UNC5C: variants seen among roughly 807,000 people sequenced by gnomAD.
UNC5C encodes netrin receptor UNC5C.
UNC5C carries 47 observed loss-of-function variants against 99.8 expected under a neutral mutation model. The observed-to-expected ratio is 0.47, with a 90% CI of 0.37 to 0.60. The LOEUF is 0.60. UNC5C is among the 20% of genes least tolerant of loss of function. The pLI is 0.00. For synonymous variants in UNC5C, 487 were observed against 452.2 expected (o/e 1.08, Z -0.98); for missense variants, 1,062 against 1,165.9 (o/e 0.91, Z 1.30).
chr4:95,212,480 T>C (rs560968162), intron 10 of UNC5C, among the ~76,000 whole-genome samples: 2 of 152,186 alleles, frequency 1.3e-5, no homozygotes, highest in Non-Finnish European at 2.9e-5. Context: ...CACAGTAATA[T>C]GTTAAGTACT....
intron 12 of UNC5C, among the ~76,000 whole-genome samples, chr4:95,192,057 C>G (rs1737135178): frequency 7.0e-6 from 1 of 142,518 alleles, no homozygotes; most frequent in Non-Finnish European, 1.5e-5. Context: ...TCTGCTCACC[C>G]TCTTCCCCTG....
chr4:95,463,898 G>A (rs1296403960), intron 1 of UNC5C, among the ~76,000 whole-genome samples: 1 of 152,130 alleles, frequency 6.6e-6, no homozygotes. Context: ...TCTGTCCTTA[G>A]TATTTTTAAA....
rs542973860 is a variant in UNC5C at position 95,167,175 on chromosome 4, C to A, written c.*2059G>T. On this transcript the variant is annotated 3_prime_UTR_variant, in exon 16 of 16. Coordinates refer to ENST00000453304, the MANE Select transcript of UNC5C (RefSeq NM_003728.4). ...AGCACATGTATAATTCAAGTCTGTTCAGCAACTTGTGTGCCTCCAGCCTAA... is the reference window on the plus strand; with the variant it reads ...AGCACATGTATAATTCAAGTCTGTTAAGCAACTTGTGTGCCTCCAGCCTAA... 1 of 152,292 alleles carries A rather than the reference C, an allele frequency of 6.6e-6. No homozygotes were observed. Among genetic ancestry groups the A allele is most frequent in the South Asian group, 2.1e-4 (1 of 4,826 alleles). 9.4% of individuals were successfully genotyped at this position (152,292 alleles called of 1,614,324 possible).
chr4:95,385,575 A>C (rs1283549696), intron 1 of UNC5C, among the ~76,000 whole-genome samples: 1 of 152,206 alleles, frequency 6.6e-6, no homozygotes, highest in African/African-American at 2.4e-5. Flanking sequence ...AATAAAAAAA[A>C]AGTGCTTATA....
intron 1 of UNC5C, among the ~76,000 whole-genome samples, chr4:95,383,262 T>TACACACAC (rs35068196): frequency 0.011 from 1,635 of 150,928 alleles, 21 homozygotes; most frequent in African/African-American, 0.037. Flanking sequence ...TGTGTGTGTT[T>TACACACAC]ACACACACAC....
intron 4 of UNC5C, among the ~76,000 whole-genome samples, chr4:95,266,868 T>A (rs544976829): frequency 6.6e-5 from 10 of 152,226 alleles, no homozygotes; most frequent in Non-Finnish European, 1.3e-4. Flanking sequence ...TTATAGCTGG[T>A]CACTAAATAT....
At chr4:95,194,064 C>T (rs889121723) in intron 12 of UNC5C, among the ~76,000 whole-genome samples, 4 of 152,328 alleles carry the variant, frequency 2.6e-5, no homozygotes, top group African/African-American at 9.6e-5. Flanking sequence ...GCTCTGCCTG[C>T]TGTTCCCACA....
chr4:95,405,682 A>G (rs141420379), intron 1 of UNC5C, among the ~76,000 whole-genome samples: 16 of 152,170 alleles, frequency 1.1e-4, no homozygotes, highest in African/African-American at 2.7e-4. Flanking sequence ...TAAAAGTTAC[A>G]TGAACTGCCC....
At chr4:95,291,842 G>A (rs1741467222) in intron 3 of UNC5C, among the ~76,000 whole-genome samples, 1 of 152,016 alleles carries the variant, frequency 6.6e-6, no homozygotes, top group Non-Finnish European at 1.5e-5. Context: ...TATGGCCTCT[G>A]TTACTTATAA....
chr4:95,496,103 T>A (rs1721625084), intron 1 of UNC5C, among the ~76,000 whole-genome samples: 1 of 151,816 alleles, frequency 6.6e-6, no homozygotes, highest in South Asian at 2.1e-4. Flanking sequence ...AAGATTACAC[T>A]ACTCTGAAGA....
intron 1 of UNC5C, among the ~76,000 whole-genome samples, chr4:95,454,591 G>A (rs138070869): frequency 0.015 from 2,237 of 152,200 alleles, 20 homozygotes; most frequent in Middle Eastern, 0.037. Context: ...TTTGTTCACA[G>A]TTTCTTGGCA....
chr4:95,174,189 C>T (rs1174961332), intron 14 of UNC5C, among the ~76,000 whole-genome samples: 1 of 152,076 alleles, frequency 6.6e-6, no homozygotes, highest in Non-Finnish European at 1.5e-5. Flanking sequence ...TTTAAAAAAA[C>T]CAGCTACTGG....
chr4:95,203,819 A>G (rs1304646500), intron 11 of UNC5C, among the ~76,000 whole-genome samples: 3 of 151,116 alleles, frequency 2.0e-5, no homozygotes, highest in African/African-American at 7.3e-5. Context: ...GTGTGTGTGT[A>G]TGTGAAAGCA....
At chr4:95,396,388 T>C (rs75568706) in intron 1 of UNC5C, among the ~76,000 whole-genome samples, 7,025 of 152,274 alleles carry the variant, frequency 0.046, 287 homozygotes, top group East Asian at 0.19. Context: ...AGAAATGATA[T>C]ACATTTTCTT....
chr4:95,531,626 C>T (rs996432309), intron 1 of UNC5C, among the ~76,000 whole-genome samples: 11 of 152,138 alleles, frequency 7.2e-5, no homozygotes, highest in African/African-American at 2.7e-4. Context: ...AATATCCTGC[C>T]CAAAAATAAT....
intron 7 of UNC5C, among the ~76,000 whole-genome samples, chr4:95,238,909 CTG>C (rs1191807842): frequency 6.6e-6 from 1 of 152,072 alleles, no homozygotes; most frequent in Non-Finnish European, 1.5e-5. Flanking sequence ...TTCTCCAAAT[CTG>C]TCTTTTTAAC....
In UNC5C at chr4:95,218,956, C is replaced by T. The variant is rs1244753987; in HGVS notation, c.1645+13G>A. The T allele has an allele frequency of 1.3e-6, 2 of 1,578,594 alleles. No homozygotes were observed. The highest frequency in any genetic ancestry group is 8.6e-7 in the Non-Finnish European group (1 of 1,161,658). ...CAAGCTGCCTCTTTGCAATTTAAAC[C>T]TCTAGGAATTACCTGAATTGGGAAC... On this transcript the variant is annotated intron_variant, in intron 9 of 15. Coordinates refer to ENST00000453304, the MANE Select transcript of UNC5C (RefSeq NM_003728.4).
At chr4:95,278,620 G>A (rs1740947354) in intron 3 of UNC5C, among the ~76,000 whole-genome samples, 1 of 151,870 alleles carries the variant, frequency 6.6e-6, no homozygotes, top group Non-Finnish European at 1.5e-5. Context: ...GACTACAGGT[G>A]CATGCTAGCA....
intron 1 of UNC5C, among the ~76,000 whole-genome samples, chr4:95,429,634 G>A (rs1214437557): frequency 3.3e-5 from 5 of 151,996 alleles, no homozygotes; most frequent in African/African-American, 9.7e-5. Context: ...GAATCAGATC[G>A]GGGCCAAAGA....
Sources: gnomAD v4.1 joint callset for allele counts (sites outside exome capture counted in the v4.1 genomes callset) on GRCh38, gnomAD v4.1.1 for gene constraint, MANE v1.5 for transcripts, NCBI Gene and HGNC (gene_info 2026-07-23, HGNC 2026-07-21) for gene names.